Variants in MAP3K13 observed in about 807,000 individuals in gnomAD.
MAP3K13 encodes mitogen-activated protein kinase kinase kinase 13, also known as leucine zipper-bearing kinase.
MAP3K13 carries 52 observed loss-of-function variants against 104.0 expected under a neutral mutation model. That is an observed-to-expected ratio of 0.50 (90% CI 0.40 to 0.63). The LOEUF (loss-of-function observed/expected upper bound fraction) is 0.63, where lower values mean the gene tolerates loss of function less well. Among genes scored for constraint, MAP3K13 ranks in the 20% least tolerant of loss-of-function variants. MAP3K13 has a pLI of 0.00. For synonymous variants in MAP3K13, 394 were observed against 442.2 expected, an observed-to-expected ratio of 0.89 and a Z score of 1.37; for missense variants, 914 against 1,218.5, an observed-to-expected ratio of 0.75 and a Z score of 3.72.
intron 2 of MAP3K13, among the ~76,000 whole-genome samples, chr3:185,431,910 C>T (rs1365494589): frequency 1.3e-5 from 2 of 152,068 alleles, no homozygotes; most frequent in Admixed American, 6.6e-5. Context: ...TATTCTTGCT[C>T]CATGCAAAAA....
chr3:185,472,372 C>G (rs1056806290), intron 10 of MAP3K13, among the ~76,000 whole-genome samples: 5 of 152,106 alleles, frequency 3.3e-5, no homozygotes, highest in Admixed American at 1.3e-4. Flanking sequence ...ACCACCACGC[C>G]TGGCTAATTT....
rs367938418 is a variant in MAP3K13 at position 185,429,280 on chromosome 3, C to T, written c.475+224C>T. ...CATCTTTTGTGGTCATCCAGTCTAG[C>T]GGTGTCCAAAGTACAGTACATATAA... On this transcript the variant is annotated intron_variant, in intron 2 of 13. Coordinates refer to ENST00000265026, the MANE Select transcript of MAP3K13 (RefSeq NM_004721.5). 3.9e-5 allele frequency among the ~76,000 whole-genome samples: 6 copies of T among 152,048 alleles called. No homozygotes were observed. In the East Asian group the frequency reaches 1.2e-3, roughly 29 times the overall value.
chr3:185,451,613 C>A (rs1437541341), intron 7 of MAP3K13: 5 of 383,286 alleles, frequency 1.3e-5, no homozygotes, highest in Non-Finnish European at 2.4e-5. Context: ...ACGTGTTGGC[C>A]GGGTGCACTT....
At chr3:185,408,652 G>C (rs946168230) in intron 1 of MAP3K13, among the ~76,000 whole-genome samples, 1 of 151,920 alleles carries the variant, frequency 6.6e-6, no homozygotes, top group African/African-American at 2.4e-5. Context: ...CTGTATACAA[G>C]TGAGGCAACT....
chr3:185,360,695 A>AT (rs765767983), upstream of MAP3K13, among the ~76,000 whole-genome samples: 7 of 152,174 alleles, frequency 4.6e-5, no homozygotes, highest in South Asian at 2.1e-4. Context: ...GGTGACTGTT[A>AT]TTAGAAGCAT....
chr3:185,434,063 A>G (rs1186861849), intron 2 of MAP3K13, among the ~76,000 whole-genome samples: 1 of 152,194 alleles, frequency 6.6e-6, no homozygotes, highest in Non-Finnish European at 1.5e-5. Context: ...TTAAAAATGA[A>G]CTATAGATAA....
intron 8 of MAP3K13, among the ~76,000 whole-genome samples, chr3:185,465,447 G>A (rs1259272633): frequency 6.6e-6 from 1 of 152,186 alleles, no homozygotes; most frequent in African/African-American, 2.4e-5. Context: ...ATTAACATAT[G>A]AGTCTATTCT....
At chr3:185,299,987 C>CT (rs1001777809) in intron 2 of MAP3K13, among the ~76,000 whole-genome samples, 18 of 152,196 alleles carry the variant, frequency 1.2e-4, no homozygotes, top group African/African-American at 4.3e-4. Flanking sequence ...CTCTGTACCC[C>CT]TTGAATAACT....
At chr3:185,336,738 T>G (rs1376689988) in intron 2 of MAP3K13, among the ~76,000 whole-genome samples, 1 of 151,326 alleles carries the variant, frequency 6.6e-6, no homozygotes. Context: ...AGGCTTTAAC[T>G]TTAGATCTGC....
intron 1 of MAP3K13, among the ~76,000 whole-genome samples, chr3:185,284,259 C>G (rs1720425522): frequency 6.6e-6 from 1 of 151,958 alleles, no homozygotes. Flanking sequence ...CTTATATTTT[C>G]CATTATAAAA....
In MAP3K13 at chr3:185,291,971, G is replaced by T. The variant is rs536401974; in HGVS notation, c.-86+6328G>T. ...TCATTGATAGAGAAGCATAAATTTG[G>T]TGAATTTAGAATTAGGTCTTTTATC... On this transcript the variant is annotated intron_variant, in intron 2 of 14. Coordinates refer to the MAP3K13 transcript ENST00000424227. 3.7e-6 allele frequency: 4 copies of T among 1,073,554 alleles called. No homozygotes were observed. The East Asian group carries it at 1.8e-4, about 49-fold the overall frequency. The allele number at this position is 1,073,554 out of a possible 1,614,324, so 66.5% of individuals were successfully genotyped here.
At chr3:185,465,694 C>CT in intron 8 of MAP3K13, 53 bp from the exon 9 acceptor site, 2 of 1,300,730 alleles carry the variant, frequency 1.5e-6, no homozygotes, top group Non-Finnish European at 1.1e-6. Context: ...ATCAAGCGGA[C>CT]TTTTTTCTCC....
intron 2 of MAP3K13, among the ~76,000 whole-genome samples, chr3:185,349,214 T>C (rs1436033923): frequency 2.0e-5 from 3 of 152,114 alleles, no homozygotes; most frequent in Admixed American, 6.5e-5. Context: ...TGGGCTTCTA[T>C]TGAACCCATC....
In MAP3K13 at chr3:185,365,893, TCCCCTCCC is replaced by T. The variant is rs1560067558; in HGVS notation, c.-86+2527_-86+2534del. On this transcript the variant is annotated intron_variant, in intron 1 of 13. Transcript: ENST00000265026. ...TCCCCTCCCCTCCCCTCCCCTCCCC[TCCCCTCCC>T]CTCCCCTCTCTTCCCCTCCCCTTTC... Among the ~76,000 whole-genome samples, 87 of 24,930 alleles carry T rather than the reference TCCCCTCCC, an allele frequency of 3.5e-3. 4 individuals carry two copies. The highest frequency in any genetic ancestry group is 0.014 in the African/African-American group (85 of 5,944). The allele number at this position is 24,930 out of a possible 152,430, so 16.4% of individuals were successfully genotyped here. A position where few individuals can be genotyped will look rare whatever the true frequency, so the allele number is the denominator to read the frequency against.
chr3:185,337,150 C>T (rs1476433581), intron 2 of MAP3K13, among the ~76,000 whole-genome samples: 1 of 152,138 alleles, frequency 6.6e-6, no homozygotes, highest in Non-Finnish European at 1.5e-5. Flanking sequence ...AGTGATCCTC[C>T]CACCTCAGCC....
chr3:185,406,475 C>T (rs919384615), intron 1 of MAP3K13, among the ~76,000 whole-genome samples: 1 of 152,174 alleles, frequency 6.6e-6, no homozygotes, highest in Non-Finnish European at 1.5e-5. Flanking sequence ...AAATCAGAAT[C>T]TGAATCTGAA....
Position 185,485,841 on chromosome 3 carries a change from GC to G in MAP3K13, c.*3386del, listed in dbSNP as rs1327149966. ...GAGGACTACCGTATATACATGTAGGGCATGACATAAAATGCCTAACTGTGAT... is the reference window on the plus strand; with the variant it reads ...GAGGACTACCGTATATACATGTAGGGATGACATAAAATGCCTAACTGTGAT... On this transcript the variant is annotated 3_prime_UTR_variant, in exon 14 of 14. Coordinates refer to ENST00000265026, the MANE Select transcript of MAP3K13 (RefSeq NM_004721.5). 1 of 152,098 alleles carries G rather than the reference GC, an allele frequency of 6.6e-6. No individual in the cohort carries two copies. The allele number at this position is 152,098 out of a possible 1,614,324, so 9.4% of individuals were successfully genotyped here. A position where few individuals can be genotyped will look rare whatever the true frequency, so the allele number is the denominator to read the frequency against.
At chr3:185,295,536 G>A (rs189708659) in intron 2 of MAP3K13, among the ~76,000 whole-genome samples, 137 of 152,244 alleles carry the variant, frequency 9.0e-4, no homozygotes, top group African/African-American at 3.2e-3. Context: ...GATACTTTCT[G>A]CTTGGAATGC....
chr3:185,357,478 A>AAAAG (rs1041676537), intron 2 of MAP3K13, among the ~76,000 whole-genome samples: 1 of 151,696 alleles, frequency 6.6e-6, no homozygotes, highest in Non-Finnish European at 1.5e-5. Context: ...GAAAAAAAGA[A>AAAAG]AAAGAAAGAA....
Sources: allele counts gnomAD v4.1 joint callset (sites outside exome capture counted in the v4.1 genomes callset), GRCh38; gene constraint gnomAD v4.1.1; transcripts MANE v1.5; gene names NCBI Gene and HGNC (gene_info 2026-07-23, HGNC 2026-07-21).